Variants in AGTPBP1 observed in about 807,000 individuals in gnomAD.
AGTPBP1 encodes the protein cytosolic carboxypeptidase 1.
AGTPBP1 carries 70 observed loss-of-function variants against 143.9 expected under a neutral mutation model. The observed-to-expected ratio is 0.49, with a 90% CI of 0.40 to 0.59. The LOEUF (loss-of-function observed/expected upper bound fraction) is 0.59. Ranked by LOEUF, AGTPBP1 falls within the 20% of genes least tolerant of loss-of-function variation. The pLI is 0.00. For synonymous variants in AGTPBP1, 463 were observed against 500.2 expected (o/e 0.93, Z 0.99); for missense variants, 1,229 against 1,464.5 (o/e 0.84, Z 2.62).
At chr9:85,736,138 T>C (rs891204064) in intron 1 of AGTPBP1, among the ~76,000 whole-genome samples, 20 of 152,228 alleles carry the variant, frequency 1.3e-4, no homozygotes, top group Non-Finnish European at 2.8e-4. Context: ...TTTGAACATT[T>C]ATATAGAAAT....
At chr9:85,773,284 AAAG>A in the AGTPBP1 span, among the ~76,000 whole-genome samples, 188 of 134,964 alleles carry the variant, frequency 1.4e-3, 3 homozygotes, top group Non-Finnish European at 1.9e-3. Flanking sequence ...AAAAAAAAAA[AAAG>A]AAAGTGTCAT....
intron 1 of AGTPBP1, among the ~76,000 whole-genome samples, chr9:85,718,787 T>G (rs749720895): frequency 5.9e-5 from 9 of 152,176 alleles, no homozygotes; most frequent in East Asian, 1.9e-4. Context: ...TTCTTCTAGG[T>G]TTTTATGGTT....
chr9:85,687,769 C>T (rs142149225), intron 3 of AGTPBP1, among the ~76,000 whole-genome samples: 232 of 152,092 alleles, frequency 1.5e-3, no homozygotes, highest in African/African-American at 5.5e-3. Context: ...ATAAAGGTCT[C>T]AAAATAAATA....
At chr9:85,782,665 C>T in the AGTPBP1 span, among the ~76,000 whole-genome samples, 26 of 152,192 alleles carry the variant, frequency 1.7e-4, no homozygotes, top group Non-Finnish European at 3.7e-4. Context: ...AGGCAAGTGA[C>T]TTAAGGACAG....
intron 25 of AGTPBP1, among the ~76,000 whole-genome samples, chr9:85,559,617 ACTGATAAGAC>A (rs1826573658): frequency 7.8e-6 from 1 of 128,430 alleles, no homozygotes; most frequent in Non-Finnish European, 1.6e-5. Flanking sequence ...GAAACTAGGG[ACTGATAAGAC>A]CCTGAAAAAC....
chr9:85,781,065 C>T, the AGTPBP1 span: 58 of 1,159,908 alleles, frequency 5.0e-5, no homozygotes, highest in East Asian at 1.6e-4. Context: ...TACAGTGAGC[C>T]GAGCATATCA....
At chr9:85,620,695 C>T (rs897713253) in intron 15 of AGTPBP1, among the ~76,000 whole-genome samples, 2 of 152,052 alleles carry the variant, frequency 1.3e-5, no homozygotes, top group African/African-American at 4.8e-5. Context: ...AAAAGGCATT[C>T]CAAAGATGGA....
chr9:85,586,324 AAAAC>A (rs1388534146), intron 22 of AGTPBP1, among the ~76,000 whole-genome samples: 1 of 152,214 alleles, frequency 6.6e-6, no homozygotes, highest in Admixed American at 6.5e-5. Flanking sequence ...AAAATAAATA[AAAAC>A]AAAGGACATG....
chr9:85,777,153 A>C, the AGTPBP1 span, among the ~76,000 whole-genome samples: 1 of 152,156 alleles, frequency 6.6e-6, no homozygotes, highest in Non-Finnish European at 1.5e-5. Context: ...CCATAAAGTG[A>C]GTAACTTGGT....
chr9:85,798,477 C>T, the AGTPBP1 span, among the ~76,000 whole-genome samples: 3 of 151,572 alleles, frequency 2.0e-5, no homozygotes, highest in South Asian at 4.2e-4. Context: ...AAGCAATTCT[C>T]GGCTTCAGCC....
intron 15 of AGTPBP1, among the ~76,000 whole-genome samples, chr9:85,620,032 CT>C (rs920625863): frequency 6.6e-6 from 1 of 151,044 alleles, no homozygotes; most frequent in African/African-American, 2.5e-5. Context: ...TATGTTTCCT[CT>C]TTTTTATAAC....
intron 9 of AGTPBP1, among the ~76,000 whole-genome samples, chr9:85,658,984 G>C (rs1427499057): frequency 6.6e-6 from 1 of 152,150 alleles, no homozygotes; most frequent in Non-Finnish European, 1.5e-5. Flanking sequence ...TACTAGCTGT[G>C]AATGTGATTT....
At chr9:85,762,986 C>CA in the AGTPBP1 span, among the ~76,000 whole-genome samples, 2 of 151,338 alleles carry the variant, frequency 1.3e-5, no homozygotes, top group Admixed American at 6.6e-5. Flanking sequence ...AGCATCTAGA[C>CA]AAAAAAGACT....
chr9:85,574,943 A>T (rs559162806), intron 25 of AGTPBP1, among the ~76,000 whole-genome samples: 84 of 152,266 alleles, frequency 5.5e-4, no homozygotes, highest in Non-Finnish European at 9.6e-4. Context: ...TCCTGACCTC[A>T]GGTGATCCAC....
At chr9:85,741,710 C>A in intron 1 of AGTPBP1, 65 bp downstream of exon 1, 2 of 1,270,220 alleles carry the variant, frequency 1.6e-6, no homozygotes, top group Non-Finnish European at 2.0e-6. Flanking sequence ...GCTCGCATCT[C>A]CCGCGGCCCG....
At chr9:85,701,872 T>G (rs1319857814) in intron 2 of AGTPBP1, among the ~76,000 whole-genome samples, 2 of 152,212 alleles carry the variant, frequency 1.3e-5, no homozygotes, top group Admixed American at 6.5e-5. Flanking sequence ...TCTGCTTTCA[T>G]TACCATAGTC....
rs545895683 is a variant in AGTPBP1, at chr9:85,671,282, A to G, written c.568+1268T>C. On this transcript the variant is annotated intron_variant, in intron 7 of 25. Coordinates refer to ENST00000357081, the MANE Select transcript of AGTPBP1 (RefSeq NM_001330701.2). ...AATCCAATACAGTTTTATTTTTTAA[A>G]TCAACTGCTTTTCTATTTTCTAATG... Among the ~76,000 whole-genome samples the G allele has an allele frequency of 4.7e-4, 71 of 152,176 alleles. 1 individual carries two copies. The Middle Eastern group carries it at 0.014, about 29-fold the overall frequency.
At chr9:85,580,219 A>G (rs568551157) in intron 23 of AGTPBP1, among the ~76,000 whole-genome samples, 73 of 151,544 alleles carry the variant, frequency 4.8e-4, no homozygotes, top group African/African-American at 1.7e-3. Context: ...CCTGGGCAAC[A>G]AGGGTGAAAC....
intron 21 of AGTPBP1, 41 bp from the exon 22 acceptor site, chr9:85,587,001 C>T: frequency 6.2e-7 from 1 of 1,611,174 alleles, no homozygotes; most frequent in Non-Finnish European, 8.5e-7. Flanking sequence ...ACACTGGTAC[C>T]CATAAACCCT....
Sources: allele counts gnomAD v4.1 joint callset (sites outside exome capture counted in the v4.1 genomes callset), GRCh38; gene constraint gnomAD v4.1.1; transcripts MANE v1.5; gene names NCBI Gene and HGNC (gene_info 2026-07-23, HGNC 2026-07-21).